CTSC: variants seen among roughly 807,000 people sequenced by gnomAD.
The protein encoded by CTSC is dipeptidyl peptidase 1.
A neutral mutation model predicts 40.9 loss-of-function variants in CTSC; 37 were observed. The observed-to-expected ratio is 0.91, with a 90% confidence interval of 0.70 to 1.19. The LOEUF (loss-of-function observed/expected upper bound fraction) is 1.19, where lower values mean the gene tolerates loss of function less well. Among genes scored for constraint, CTSC ranks in the 50% most tolerant of loss-of-function variants. The pLI, the probability that CTSC is intolerant of heterozygous loss-of-function variation, is 0.00. For synonymous variants in CTSC, 232 were observed against 207.4 expected (o/e 1.12, Z -1.02); for missense variants, 594 against 567.3 (o/e 1.05, Z -0.48).
At chr11:88,322,052 C>T (rs1183717865) in intron 2 of CTSC, 1 of 152,122 alleles carries the variant, frequency 6.6e-6, no homozygotes, top group African/African-American at 2.4e-5. Context: ...TGAATATCTT[C>T]TGGGAAGTGT....
At chr11:88,312,352 C>T in intron 3 of CTSC, 36 bp downstream of exon 3, 1 of 1,607,908 alleles carries the variant, frequency 6.2e-7, no homozygotes, top group Admixed American at 1.7e-5. Context: ...TACTATAAAA[C>T]AAAACTAAAC....
intron 2 of CTSC, chr11:88,321,547 C>T (rs915480693): frequency 6.6e-6 from 1 of 152,100 alleles, no homozygotes; most frequent in African/African-American, 2.4e-5. Flanking sequence ...GTTTTCTGTT[C>T]CTGCATTAGT....
At chr11:88,305,831 G>C (rs1937625955) in intron 4 of CTSC, among the ~76,000 whole-genome samples, 1 of 152,178 alleles carries the variant, frequency 6.6e-6, no homozygotes, top group African/African-American at 2.4e-5. Flanking sequence ...GAGGGAGAAG[G>C]GAGCTTTAGC....
Position 88,337,616 on chromosome 11 carries a change from G to T in CTSC, c.57C>A (p.Asp19Glu). Residue 19 changes from aspartate to glutamate, a missense_variant, in exon 1 of 7, where the codon GAC (aspartate) becomes GAA (glutamate). Transcript: ENST00000227266. ...LAALLLLLSG[D>E]GAVRCDTPAN... Reference sequence around the variant, plus strand: ...CAGGTGTGTCGCAGCGCACGGCGCCGTCGCCGGAGAGAAGCAGCAGGAGGG... The same window carrying T: ...CAGGTGTGTCGCAGCGCACGGCGCCTTCGCCGGAGAGAAGCAGCAGGAGGG... The T allele has an allele frequency of 6.3e-7, 1 of 1,582,004 alleles. No individual in the cohort carries two copies. The highest frequency in any genetic ancestry group is 8.6e-7 in the Non-Finnish European group (1 of 1,163,550).
chr11:88,324,733 A>C (rs1938131878), intron 2 of CTSC: 1 of 985,262 alleles, frequency 1.0e-6, no homozygotes, highest in Admixed American at 6.2e-5. Flanking sequence ...TGGGAACCAA[A>C]GTTCTGATGT....
chr11:88,295,086 A>G (rs1395073277), intron 6 of CTSC, among the ~76,000 whole-genome samples: 1 of 152,144 alleles, frequency 6.6e-6, no homozygotes, highest in Non-Finnish European at 1.5e-5. Flanking sequence ...TGTTATAATT[A>G]TTTAATCTCT....
intron 4 of CTSC, 34 bp downstream of exon 4, chr11:88,309,129 A>G (rs576089860): frequency 6.3e-7 from 1 of 1,598,810 alleles, no homozygotes; most frequent in East Asian, 2.2e-5. Context: ...CAGCATTCAT[A>G]TTTTTATTAA....
chr11:88,333,129 G>A (rs763114297), intron 2 of CTSC, among the ~76,000 whole-genome samples: 3 of 152,098 alleles, frequency 2.0e-5, no homozygotes, highest in Non-Finnish European at 4.4e-5. Context: ...ACTAACTGAT[G>A]AAAAAATAAT....
intron 6 of CTSC, 146 bp downstream of exon 6, chr11:88,295,987 T>G (rs769336748): frequency 3.0e-5 from 25 of 835,616 alleles, no homozygotes; most frequent in Non-Finnish European, 4.8e-5. Context: ...CATCCATTAA[T>G]AAGTGATAGG....
chr11:88,298,143 T>C (rs1229542147), intron 5 of CTSC: 2 of 152,202 alleles, frequency 1.3e-5, no homozygotes, highest in Admixed American at 6.5e-5. Flanking sequence ...GCTCAAATAA[T>C]ATAAATAGCA....
intron 6 of CTSC, 60 bp from the exon 7 acceptor site, chr11:88,294,568 A>AT (rs1294346057): frequency 6.3e-7 from 1 of 1,591,020 alleles, no homozygotes; most frequent in Non-Finnish European, 8.6e-7. Flanking sequence ...CCCATTTTCT[A>AT]TTTTTTCTTC....
chr11:88,295,405 G>A (rs1289178919), intron 6 of CTSC, among the ~76,000 whole-genome samples: 1 of 151,760 alleles, frequency 6.6e-6, no homozygotes. Context: ...TCATAACAGG[G>A]CCTCACTCCG....
In CTSC at chr11:88,320,599, T is replaced by C. The variant is rs529580551; in HGVS notation, c.319-8045A>G. 2.6e-5 allele frequency among the ~76,000 whole-genome samples: 4 copies of C among 152,328 alleles called. No individual in the cohort carries two copies. In the South Asian group the frequency reaches 8.3e-4, roughly 32 times the overall value. ...TTTTGTTTTTAGTAGTTTTGAAAGT[T>C]AGAACATCACTGTTTTTAACTCTGA... On this transcript the variant is annotated intron_variant, in intron 2 of 6. Transcript: ENST00000227266.
At chr11:88,310,358 CATTT>C (rs1937725513) in intron 3 of CTSC, among the ~76,000 whole-genome samples, 1 of 152,092 alleles carries the variant, frequency 6.6e-6, no homozygotes, top group African/African-American at 2.4e-5. Context: ...TTAATTAAAA[CATTT>C]ATCATACCTG....
chr11:88,318,738 TCTA>T (rs1042215571), intron 2 of CTSC, among the ~76,000 whole-genome samples: 4 of 152,136 alleles, frequency 2.6e-5, no homozygotes, highest in African/African-American at 9.7e-5. Context: ...AAACCTTGTC[TCTA>T]CTAATAATAC....
intron 5 of CTSC, 78 bp from the exon 6 acceptor site, chr11:88,296,342 C>G (rs1944298858): frequency 6.5e-7 from 1 of 1,544,592 alleles, no homozygotes. Context: ...CTTAGTGAAT[C>G]ACATACATTA....
intron 4 of CTSC, 74 bp from the exon 5 acceptor site, chr11:88,300,719 A>G (rs150294063): frequency 2.1e-6 from 2 of 960,636 alleles, no homozygotes; most frequent in African/African-American, 1.6e-5. Flanking sequence ...CTCTACTATA[A>G]TTCTATGATT....
chr11:88,325,152 A>G (rs1202741455), intron 2 of CTSC: 5 of 984,858 alleles, frequency 5.1e-6, no homozygotes, highest in Non-Finnish European at 6.0e-6. Context: ...AAAGAGCTAG[A>G]AGATAGCAAT....
chr11:88,294,680 T>C (rs938581969), intron 6 of CTSC, among the ~76,000 whole-genome samples, 172 bp from the exon 7 acceptor site: 1 of 152,220 alleles, frequency 6.6e-6, no homozygotes, highest in Non-Finnish European at 1.5e-5. Context: ...TATCCTTTCA[T>C]CCTCCTTCTA....
Sources: gnomAD v4.1 joint callset for allele counts (sites outside exome capture counted in the v4.1 genomes callset) on GRCh38, gnomAD v4.1.1 for gene constraint, MANE v1.5 for transcripts, NCBI Gene and HGNC (gene_info 2026-07-23, HGNC 2026-07-21) for gene names.